The following FAM124A variants were observed in gnomAD, a reference collection of about 807,000 sequenced individuals.
FAM124A encodes family with sequence similarity 124 member A, also known as protein FAM124A.
Under a neutral mutation model 24.5 loss-of-function variants are expected in FAM124A, and 23 were observed. The observed-to-expected ratio is 0.94, with a 90% CI of 0.68 to 1.33. The LOEUF (loss-of-function observed/expected upper bound fraction) is 1.33. FAM124A is among the 40% of genes most tolerant of loss of function. The pLI is 0.00. For synonymous variants in FAM124A, 287 were observed against 314.7 expected (o/e 0.91, Z 0.93); for missense variants, 623 against 722.8 (o/e 0.86, Z 1.58).
In FAM124A at chr13:51,226,046, G is replaced by A. The variant is rs930422088; in HGVS notation, c.68+3477G>A. 7.1e-5 allele frequency among the ~76,000 whole-genome samples: 9 copies of A among 126,180 alleles called. No homozygotes were observed. In the East Asian group the frequency reaches 7.4e-4, roughly 10 times the overall value. The allele number at this position is 126,180 out of a possible 152,430, so 82.8% of individuals were successfully genotyped here. On this transcript the variant is annotated intron_variant, in intron 1 of 3. Transcript: ENST00000322475. ...GTCTCTCTGTCACCCAGGCTGGAGT[G>A]CATTGGTGGAATCATGGCTCACTGC...
chr13:51,231,374 C>T lies in FAM124A; in HGVS notation c.95C>T (p.Thr32Met), dbSNP rs529399561. 2.1e-4 allele frequency: 335 copies of T among 1,613,890 alleles called. No homozygotes were observed. Among genetic ancestry groups the T allele is most frequent in the Admixed American group, 3.3e-4 (20 of 59,986 alleles). ...GGSDYSHLSSTSSELSVEEAQ... is the reference protein window; with the variant it reads ...GGSDYSHLSSMSSELSVEEAQ... ...TCCGACTACAGCCACCTGTCCTCCA[C>T]GAGCAGTAAGTATCTTTTAAACATC... Residue 32 changes from threonine to methionine, a missense_variant, in exon 2 of 4, where the codon ACG (threonine) becomes ATG (methionine). By Grantham distance (81) the Thr-to-Met change is moderately conservative (BLOSUM62 -1). Transcript: ENST00000322475.
rs1954945583 is a variant in FAM124A at position 51,282,089 on chromosome 13, C to T, written c.*833C>T. The T allele has an allele frequency of 6.6e-6, 1 of 152,128 alleles. No individual in the cohort carries two copies. The highest frequency in any genetic ancestry group is 2.1e-4 in the South Asian group (1 of 4,828). The allele number at this position is 152,128 out of a possible 1,614,324, so 9.4% of individuals were successfully genotyped here. A position where few individuals can be genotyped will look rare whatever the true frequency, so the allele number is the denominator to read the frequency against. ...TTTGTTGGGATTACAGAATTATAGG[C>T]CATTAGACATCATGGGTAGGTAGTC... On this transcript the variant is annotated 3_prime_UTR_variant, in exon 4 of 4. Coordinates refer to ENST00000322475, the MANE Select transcript of FAM124A (RefSeq NM_001242312.2).
At chr13:51,248,720 C>T (rs1002139115) in intron 2 of FAM124A, among the ~76,000 whole-genome samples, 1 of 152,174 alleles carries the variant, frequency 6.6e-6, no homozygotes, top group African/African-American at 2.4e-5. Context: ...GTCTCTTTCT[C>T]CTGCCCAAAG....
intron 3 of FAM124A, among the ~76,000 whole-genome samples, chr13:51,266,001 A>G (rs1369769175): frequency 1.3e-5 from 2 of 152,378 alleles, no homozygotes; most frequent in Admixed American, 1.3e-4. Flanking sequence ...ACATATATGT[A>G]TACGTATATA....
chr13:51,278,021 C>T (rs1447126687), intron 3 of FAM124A, among the ~76,000 whole-genome samples: 1 of 152,164 alleles, frequency 6.6e-6, no homozygotes, highest in Non-Finnish European at 1.5e-5. Flanking sequence ...GCCTTAAGCA[C>T]ATTAATTTAT....
intron 3 of FAM124A, among the ~76,000 whole-genome samples, chr13:51,275,317 G>A (rs982681376): frequency 1.7e-4 from 26 of 152,184 alleles, no homozygotes; most frequent in African/African-American, 6.3e-4. Context: ...GTTTGAGGCT[G>A]CAATAAGCTA....
Position 51,280,485 on chromosome 13 carries a change from C to T in FAM124A, c.870C>T (p.Gly290=). 3 of 1,611,978 alleles carry T rather than the reference C, an allele frequency of 1.9e-6. No homozygotes were observed. The highest frequency in any genetic ancestry group is 1.7e-6 in the Non-Finnish European group (2 of 1,178,732). The change falls in exon 4 of 4, where the codon GGC becomes GGT. Residue 290 remains glycine (G), a synonymous_variant. Transcript: ENST00000322475. ...TGCATAAGAAGTTTCCTAAACCTGG[C>T]AGAGTACATCATGCCTCCGAGAAGA... The part of the protein sequence containing the change: ...QRVHKKFPKP[G]RVHHASEKKR...
intron 2 of FAM124A, among the ~76,000 whole-genome samples, chr13:51,242,947 T>C (rs1004152292): frequency 2.6e-5 from 4 of 152,230 alleles, no homozygotes; most frequent in South Asian, 2.1e-4. Flanking sequence ...AGATCCTTTA[T>C]TGTACTCCTC....
At chr13:51,238,134 A>AATGCC (rs1189452546) in intron 2 of FAM124A, among the ~76,000 whole-genome samples, 2 of 152,222 alleles carry the variant, frequency 1.3e-5, no homozygotes, top group Non-Finnish European at 2.9e-5. Flanking sequence ...AGAGCCACAG[A>AATGCC]ATGCCAGCTG....
In FAM124A at chr13:51,261,935, G is replaced by T. The variant is rs553871580; in HGVS notation, c.834+9734G>T. 2.0e-5 allele frequency among the ~76,000 whole-genome samples: 3 copies of T among 152,328 alleles called. No homozygotes were observed. In the South Asian group the frequency reaches 6.2e-4, roughly 32 times the overall value. On this transcript the variant is annotated intron_variant, in intron 3 of 3. Coordinates refer to ENST00000322475, the MANE Select transcript of FAM124A (RefSeq NM_001242312.2). ...TCAGACAGGTACAGTACTGGAGGGG[G>T]ACAAAGATGAACCAGAGGGTCCCTG...
intron 2 of FAM124A, among the ~76,000 whole-genome samples, chr13:51,245,915 T>C (rs1330200693): frequency 6.6e-6 from 1 of 152,212 alleles, no homozygotes; most frequent in Admixed American, 6.5e-5. Flanking sequence ...AGGTAAAATG[T>C]TGGAAAAAAT....
chr13:51,234,447 G>T (rs1481429486), intron 2 of FAM124A, among the ~76,000 whole-genome samples: 1 of 152,186 alleles, frequency 6.6e-6, no homozygotes, highest in African/African-American at 2.4e-5. Context: ...CTAAGCGAAA[G>T]GTATAAGAGT....
intron 3 of FAM124A, 132 bp downstream of exon 3, chr13:51,252,333 A>G (rs1201321525): frequency 4.6e-6 from 6 of 1,300,626 alleles, no homozygotes; most frequent in Non-Finnish European, 6.2e-6. Flanking sequence ...CCCAGCTCCT[A>G]GTCGAAGTCA....
intron 3 of FAM124A, among the ~76,000 whole-genome samples, chr13:51,271,661 G>A (rs984835446): frequency 2.0e-5 from 3 of 152,038 alleles, no homozygotes; most frequent in Non-Finnish European, 4.4e-5. Context: ...GCAAAGTACC[G>A]GCCCACGTAA....
chr13:51,267,154 G>A (rs1954792644), intron 3 of FAM124A, among the ~76,000 whole-genome samples: 1 of 152,118 alleles, frequency 6.6e-6, no homozygotes, highest in Non-Finnish European at 1.5e-5. Flanking sequence ...CAAAGCATAA[G>A]GATTTTTGGT....
chr13:51,274,946 G>A (rs1362296159), intron 3 of FAM124A, among the ~76,000 whole-genome samples: 1 of 152,210 alleles, frequency 6.6e-6, no homozygotes, highest in Non-Finnish European at 1.5e-5. Flanking sequence ...AAGTACAACT[G>A]AGAATGATAG....
intron 3 of FAM124A, among the ~76,000 whole-genome samples, chr13:51,277,799 A>G (rs1954898345): frequency 9.6e-6 from 1 of 103,756 alleles, no homozygotes; most frequent in Non-Finnish European, 1.8e-5. Flanking sequence ...TCTCAAAAAA[A>G]GAGAGAAAGG....
chr13:51,280,499 C>G lies in FAM124A; in HGVS notation c.884C>G (p.Ala295Gly). Residue 295 changes from alanine to glycine, a missense_variant, in exon 4 of 4, where the codon GCC becomes GGC. Ala to Gly is a moderately conservative substitution (Grantham distance 60, BLOSUM62 0). Coordinates refer to ENST00000322475, the MANE Select transcript of FAM124A (RefSeq NM_001242312.2). ...CCTAAACCTGGCAGAGTACATCATG[C>G]CTCCGAGAAGAAACGTCATTCCACT... The part of the protein sequence containing the change: ...KFPKPGRVHH[A>G]SEKKRHSTPL... 6.2e-7 allele frequency: 1 copy of G among 1,613,558 alleles called. No individual in the cohort carries two copies. Among genetic ancestry groups the G allele is most frequent in the South Asian group, 1.1e-5 (1 of 91,016 alleles).
In FAM124A at chr13:51,272,923, A is replaced by T. The variant is rs909933097; in HGVS notation, c.835-7527A>T. On this transcript the variant is annotated intron_variant, in intron 3 of 3. Transcript: ENST00000322475. The surrounding 1 kb of genome is among the most constrained non-coding windows in gnomAD (Gnocchi z 4.2). ...AGATATTGAACATTTACATCATTGC[A>T]CAGAGTTCTATAGACAGCACTGCTC... 6.6e-6 allele frequency among the ~76,000 whole-genome samples: 1 copy of T among 152,240 alleles called. No homozygotes were observed. Among genetic ancestry groups the T allele is most frequent in the African/African-American group, 2.4e-5 (1 of 41,462 alleles).
Sources: allele counts gnomAD v4.1 joint callset (sites outside exome capture counted in the v4.1 genomes callset), GRCh38; gene constraint gnomAD v4.1.1; non-coding constraint Gnocchi (gnomAD v3.1); transcripts MANE v1.5; gene names NCBI Gene and HGNC (gene_info 2026-07-23, HGNC 2026-07-21).